CRACD: variants seen among roughly 807,000 people sequenced by gnomAD.
CRACD encodes capping protein inhibiting regulator of actin dynamics.
A neutral mutation model predicts 106.8 loss-of-function variants in CRACD; 56 were observed. That is an observed-to-expected ratio of 0.52 (90% CI 0.42 to 0.66). CRACD has a LOEUF of 0.66. Ranked by LOEUF, CRACD falls within the 30% of genes least tolerant of loss-of-function variation. The pLI is 0.00. For synonymous variants in CRACD, 754 were observed against 670.8 expected, an observed-to-expected ratio of 1.12 and a Z score of -1.92; for missense variants, 1,730 against 1,623.2, an observed-to-expected ratio of 1.07 and a Z score of -1.13.
chr4:56,324,219 G>T lies in CRACD; in HGVS notation c.3494G>T (p.Arg1165Leu). 2 of 1,614,094 alleles carry T rather than the reference G, an allele frequency of 1.2e-6. No individual in the cohort carries two copies. The highest frequency in any genetic ancestry group is 1.6e-4 in the Middle Eastern group (1 of 6,062). The change falls in exon 10 of 11, where the codon CGC becomes CTC. Residue 1165 changes from arginine (R) to leucine (L), a missense_variant. Physicochemically the swap from Arg to Leu is moderately radical, Grantham distance 102 (BLOSUM62 -2). Around this residue, in one of 5 missense-constraint regions of CRACD, gnomAD observed 89 missense variants for 89.6 expected, o/e 0.99. Coordinates refer to ENST00000682029, the MANE Select transcript of CRACD (RefSeq NM_001393381.1). Reference protein sequence around the residue: ...RPETAVSRLERREQLKKANTL... With the variant: ...RPETAVSRLELREQLKKANTL... Reference sequence around the variant, plus strand: ...GAGACTGCAGTGTCCAGGCTTGAGCGCAGAGAACAGCTGAAAAAGGCCAAT... The same window carrying T: ...GAGACTGCAGTGTCCAGGCTTGAGCTCAGAGAACAGCTGAAAAAGGCCAAT...
At chr4:56,111,347 C>T (rs1172720111) in intron 1 of CRACD, among the ~76,000 whole-genome samples, 2 of 135,806 alleles carry the variant, frequency 1.5e-5, no homozygotes, top group Non-Finnish European at 3.1e-5. Flanking sequence ...AACGTGGTTG[C>T]CTCTGGGAAG....
At chr4:56,178,143 G>A (rs1736664601) in intron 1 of CRACD, among the ~76,000 whole-genome samples, 1 of 152,086 alleles carries the variant, frequency 6.6e-6, no homozygotes, top group African/African-American at 2.4e-5. Context: ...ATTACTGATG[G>A]GAGTGCAAAA....
At chr4:56,282,879 G>T (rs1309633355) in intron 3 of CRACD, among the ~76,000 whole-genome samples, 3 of 152,160 alleles carry the variant, frequency 2.0e-5, no homozygotes, top group African/African-American at 7.2e-5. Flanking sequence ...GCTATCTTTC[G>T]CAGATAGTGG....
rs536285915 is a variant in CRACD at position 56,317,942 on chromosome 4, C to A, written c.3187+1253C>A. Reference sequence around the variant, plus strand: ...CTAATACTTTTTCTTTTCTATTATGCAGAGTATAGGAGGTAAAGTATGGGT... The same window carrying A: ...CTAATACTTTTTCTTTTCTATTATGAAGAGTATAGGAGGTAAAGTATGGGT... On this transcript the variant is annotated intron_variant, in intron 8 of 10. Coordinates refer to ENST00000682029, the MANE Select transcript of CRACD (RefSeq NM_001393381.1). Among the ~76,000 whole-genome samples the A allele has an allele frequency of 2.6e-5, 4 of 152,164 alleles. No homozygotes were observed. The South Asian group carries it at 8.3e-4, about 32-fold the overall frequency.
In CRACD at chr4:56,328,451, G is replaced by A; in HGVS notation, c.*647G>A. On this transcript the variant is annotated 3_prime_UTR_variant, in exon 11 of 11. Transcript: ENST00000682029. The stretch of plus-strand genomic sequence containing the variant: ...CCGCACTGTGGATTCATAGTGTGGG[G>A]CCCTGTTATTCCAATACCCTCCTTA... The A allele has an allele frequency of 1.9e-6, 1 of 515,040 alleles. No homozygotes were observed. Among genetic ancestry groups the A allele is most frequent in the South Asian group, 1.4e-5 (1 of 70,400 alleles). The allele number at this position is 515,040 out of a possible 1,614,324, so 31.9% of individuals were successfully genotyped here.
chr4:56,105,526 G>A (rs1250816986), intron 1 of CRACD, among the ~76,000 whole-genome samples: 1 of 152,104 alleles, frequency 6.6e-6, no homozygotes, highest in Non-Finnish European at 1.5e-5. Context: ...ATTTAGGGAC[G>A]TATCTTATGG....
intron 1 of CRACD, among the ~76,000 whole-genome samples, chr4:56,064,056 G>C (rs1732376027): frequency 6.6e-6 from 1 of 152,148 alleles, no homozygotes; most frequent in Non-Finnish European, 1.5e-5. Context: ...GATGTGAAGT[G>C]GTGTCTCAGT....
At chr4:56,052,437 A>G (rs181859769) in intron 1 of CRACD, among the ~76,000 whole-genome samples, 83 of 152,378 alleles carry the variant, frequency 5.4e-4, no homozygotes, top group Non-Finnish European at 1.0e-3. Context: ...TAATCAGGTT[A>G]AGTGCATTTA....
chr4:56,108,881 C>T (rs1734030554), intron 1 of CRACD, among the ~76,000 whole-genome samples: 1 of 152,300 alleles, frequency 6.6e-6, no homozygotes, highest in Non-Finnish European at 1.5e-5. Context: ...ACCAGGAGTA[C>T]GAGAGGAACA....
intron 2 of CRACD, among the ~76,000 whole-genome samples, chr4:56,198,601 T>C (rs1355198174): frequency 3.9e-5 from 6 of 152,192 alleles, no homozygotes; most frequent in Admixed American, 3.9e-4. Context: ...AGAGTTTTAT[T>C]ATCTACTGTG....
chr4:56,239,653 A>AC (rs1388808495), intron 2 of CRACD, among the ~76,000 whole-genome samples: 1 of 152,148 alleles, frequency 6.6e-6, no homozygotes, highest in African/African-American at 2.4e-5. Context: ...TTGTCTTTGC[A>AC]CCTTAAAAAC....
intron 2 of CRACD, among the ~76,000 whole-genome samples, chr4:56,191,379 C>T (rs1269242566): frequency 2.0e-5 from 3 of 151,772 alleles, no homozygotes; most frequent in African/African-American, 4.8e-5. Flanking sequence ...CTTCCTCTCT[C>T]CCTCCCTCCC....
intron 1 of CRACD, among the ~76,000 whole-genome samples, chr4:56,123,285 G>T (rs556010964): frequency 6.6e-6 from 1 of 152,296 alleles, no homozygotes; most frequent in Non-Finnish European, 1.5e-5. Flanking sequence ...TTAAACAACA[G>T]ACATTTATTT....
rs186738793 is a variant in CRACD at position 56,100,253 on chromosome 4, G to A, written c.-336+50954G>A. Among the ~76,000 whole-genome samples, 366 of 152,194 alleles carry A rather than the reference G, an allele frequency of 2.4e-3. 2 individuals are homozygous for A. The highest frequency in any genetic ancestry group is 8.1e-3 in the African/African-American group (336 of 41,544). On this transcript the variant is annotated intron_variant, in intron 1 of 10. Coordinates refer to ENST00000682029, the MANE Select transcript of CRACD (RefSeq NM_001393381.1). The stretch of plus-strand genomic sequence containing the variant: ...GCAAGACTCCATCTTGCGGGGACGG[G>A]GGGGAAGGGGTGGAAAGACAACTAT...
intron 7 of CRACD, 147 bp downstream of exon 7, chr4:56,313,526 T>C (rs2109764918): frequency 1.4e-6 from 1 of 699,310 alleles, no homozygotes; most frequent in East Asian, 2.7e-5. Flanking sequence ...TGTTGGGGAA[T>C]ACACAGGCCT....
At chr4:56,141,837 G>A (rs972023056) in intron 1 of CRACD, among the ~76,000 whole-genome samples, 1 of 151,370 alleles carries the variant, frequency 6.6e-6, no homozygotes, top group Non-Finnish European at 1.5e-5. Flanking sequence ...GGGACTGCAG[G>A]CACGCGCCAC....
intron 2 of CRACD, among the ~76,000 whole-genome samples, chr4:56,208,163 A>C (rs1208393757): frequency 6.6e-6 from 1 of 152,008 alleles, no homozygotes; most frequent in African/African-American, 2.4e-5. Context: ...CATGTCTGGG[A>C]TGCCATCTGC....
At position 56,316,510 on chromosome 4, in the gene CRACD, C is replaced by G. The variant is rs1344458249; in HGVS notation, c.3008C>G (p.Pro1003Arg). 1 of 1,613,690 alleles carries G rather than the reference C, an allele frequency of 6.2e-7. No individual in the cohort carries two copies. The highest frequency in any genetic ancestry group is 8.5e-7 in the Non-Finnish European group (1 of 1,179,776). The change falls in exon 8 of 11, where the codon CCG becomes CGG. Residue 1003 changes from proline to arginine, a missense_variant. Around this residue, in one of 5 missense-constraint regions of CRACD, gnomAD observed 1,620 missense variants for 1,481.6 expected, o/e 1.09. Coordinates refer to ENST00000682029, the MANE Select transcript of CRACD (RefSeq NM_001393381.1). ...AGRPDPEPSE[P>R]SKEDQESSDR... ...AGGCCGGACCCAGAGCCAAGTGAGC[C>G]GTCCAAGGAGGACCAGGAGAGCAGT...
At position 56,315,260 on chromosome 4, in the gene CRACD, G is replaced by T; in HGVS notation, c.1758G>T (p.Pro586=). 1 of 1,608,602 alleles carries T rather than the reference G, an allele frequency of 6.2e-7. No homozygotes were observed. The highest frequency in any genetic ancestry group is 1.3e-5 in the African/African-American group (1 of 74,970). The change falls in exon 8 of 11, where the codon CCG becomes CCT. Residue 586 remains proline (P), a synonymous_variant. Transcript: ENST00000682029. This position sits in a 1 kb window ranked among gnomAD's most constrained non-coding sequence, Gnocchi z 4.1. ...PKASPVQHAL[P]SSLSVPHTAI... is the part of the protein sequence containing the mutation. ...CCAGCCCAGTCCAGCACGCCCTACC[G>T]TCGTCCCTGAGCGTTCCCCACACCG...
Sources: allele counts gnomAD v4.1 joint callset (sites outside exome capture counted in the v4.1 genomes callset), GRCh38; gene constraint gnomAD v4.1.1; regional missense constraint gnomAD v4.1.1; non-coding constraint Gnocchi (gnomAD v3.1); transcripts MANE v1.5; gene names NCBI Gene and HGNC (gene_info 2026-07-23, HGNC 2026-07-21).